Variants in CPVL observed in about 807,000 individuals in gnomAD.
CPVL encodes carboxypeptidase vitellogenic like.
CPVL carries 51 observed loss-of-function variants against 63.7 expected under a neutral mutation model. That is an observed-to-expected ratio of 0.80 (90% CI 0.64 to 1.01). The LOEUF is 1.01. CPVL is among the 50% of genes least tolerant of loss of function. The probability of loss-of-function intolerance (pLI) is 0.00; values close to 1 mark genes in which losing one functional copy is unlikely to be tolerated. For synonymous variants in CPVL, 195 were observed against 206.0 expected, an observed-to-expected ratio of 0.95 and a Z score of 0.46; for missense variants, 530 against 573.1, an observed-to-expected ratio of 0.92 and a Z score of 0.77.
Position 29,004,415 on chromosome 7 carries a change from A to G in CPVL, c.1321-8533T>C, listed in dbSNP as rs544448457. Among the ~76,000 whole-genome samples the G allele has an allele frequency of 2.0e-5, 3 of 152,360 alleles. No homozygotes were observed. The South Asian group carries it at 6.2e-4, about 32-fold the overall frequency. ...ACGTGCTTTGAACGTGTCTATTAAA[A>G]AAAAAGTCATGGAAAATTTTCTCTG... On this transcript the variant is annotated intron_variant, in intron 12 of 12. Coordinates refer to ENST00000265394, the MANE Select transcript of CPVL (RefSeq NM_031311.5).
chr7:29,110,700 AAT>A (rs1788148674), intron 3 of CPVL, among the ~76,000 whole-genome samples: 1 of 152,224 alleles, frequency 6.6e-6, no homozygotes, highest in Non-Finnish European at 1.5e-5. Flanking sequence ...TAATTCCTAG[AAT>A]ATGTTAGGTT....
At chr7:28,999,049 T>TA (rs1034072095) in intron 12 of CPVL, among the ~76,000 whole-genome samples, 70 of 143,470 alleles carry the variant, frequency 4.9e-4, no homozygotes, top group Middle Eastern at 7.2e-3. Context: ...TACTAAAAAT[T>TA]AAAAAAAAAA....
chr7:29,143,791 GAC>G (rs1792154395), intron 1 of CPVL, among the ~76,000 whole-genome samples: 1 of 152,158 alleles, frequency 6.6e-6, no homozygotes, highest in South Asian at 2.1e-4. Flanking sequence ...AAGATCTAAG[GAC>G]ACAGTCCTTC....
At chr7:29,155,265 A>G (rs1421134609) in intron 5 of CPVL, among the ~76,000 whole-genome samples, 1 of 152,236 alleles carries the variant, frequency 6.6e-6, no homozygotes. Flanking sequence ...TTCAGGGAAA[A>G]CAACTACATT....
At chr7:29,190,340 A>T (rs1210209338) in intron 1 of CPVL, among the ~76,000 whole-genome samples, 1 of 152,162 alleles carries the variant, frequency 6.6e-6, no homozygotes, top group Non-Finnish European at 1.5e-5. Flanking sequence ...CACTGGATTA[A>T]TCTTGAAAGT....
chr7:29,012,200 T>A (rs908423788), intron 12 of CPVL: 1 of 152,120 alleles, frequency 6.6e-6, no homozygotes, highest in Non-Finnish European at 1.5e-5. Flanking sequence ...TGCTTTGACA[T>A]GGAATTGTAT....
intron 1 of CPVL, among the ~76,000 whole-genome samples, chr7:29,189,163 C>T (rs954043434): frequency 5.3e-5 from 8 of 151,958 alleles, no homozygotes; most frequent in Non-Finnish European, 1.0e-4. Context: ...GTTGGCCAGG[C>T]TGGTCTCGAA....
intron 5 of CPVL, among the ~76,000 whole-genome samples, chr7:29,163,764 A>T (rs1383901818): frequency 2.0e-5 from 3 of 152,210 alleles, no homozygotes; most frequent in African/African-American, 7.2e-5. Flanking sequence ...TTGCATTTTT[A>T]AAATTTTTAA....
chr7:28,999,111 C>T (rs576514355), intron 12 of CPVL, among the ~76,000 whole-genome samples: 8 of 152,056 alleles, frequency 5.3e-5, no homozygotes, highest in Admixed American at 5.2e-4. Flanking sequence ...ACTGGGGAGG[C>T]TGAAGCAGGA....
chr7:29,005,021 C>T (rs758090492), intron 12 of CPVL, among the ~76,000 whole-genome samples: 2 of 151,658 alleles, frequency 1.3e-5, no homozygotes, highest in East Asian at 3.9e-4. Context: ...CTCAGCCTCC[C>T]GAGTAGCTGG....
intron 11 of CPVL, among the ~76,000 whole-genome samples, chr7:29,052,558 A>G (rs1790293006): frequency 6.6e-6 from 1 of 152,138 alleles, no homozygotes; most frequent in Non-Finnish European, 1.5e-5. Flanking sequence ...ATAAAAAGAC[A>G]ACCCAGAGAA....
intron 1 of CPVL, among the ~76,000 whole-genome samples, chr7:29,139,866 G>A (rs1189739577): frequency 6.6e-6 from 1 of 152,182 alleles, no homozygotes; most frequent in Non-Finnish European, 1.5e-5. Flanking sequence ...ATTTCCACTT[G>A]ACTTGCTGAT....
chr7:29,066,070 G>A lies in CPVL; in HGVS notation c.916C>T (p.Gln306Ter), dbSNP rs1783108070. Residue 306 changes from glutamine to a stop codon, truncating the protein, a stop_gained, in exon 10 of 13, where the codon CAG becomes TAG. Transcript: ENST00000265394. LOFTEE classifies it high-confidence loss of function. ...TAATTACTACATCCTGTAACATTCTGGAAGTAAGAAGGATCACTTGTTAAG... is the reference window on the plus strand; with the variant it reads ...TAATTACTACATCCTGTAACATTCTAGAAGTAAGAAGGATCACTTGTTAAG... ...GDLTSDPSYF[Q>*]NVTGCSNYYN... is the part of the protein sequence containing the mutation. The A allele has an allele frequency of 4.4e-6, 7 of 1,608,290 alleles. No homozygotes were observed. The highest frequency in any genetic ancestry group is 1.1e-5 in the South Asian group (1 of 90,284).
At chr7:29,074,100 G>A (rs1055116587) in intron 7 of CPVL, among the ~76,000 whole-genome samples, 1 of 152,152 alleles carries the variant, frequency 6.6e-6, no homozygotes, top group African/African-American at 2.4e-5. Context: ...GGACACTGAG[G>A]CTCAGAGAGG....
intron 11 of CPVL, among the ~76,000 whole-genome samples, chr7:29,035,480 GCT>G (rs748779504): frequency 6.6e-6 from 1 of 152,156 alleles, no homozygotes; most frequent in Non-Finnish European, 1.5e-5. Flanking sequence ...AAACAATCTT[GCT>G]CTGTTTGTCT....
At chr7:29,077,010 T>C (rs767262986) in intron 7 of CPVL, among the ~76,000 whole-genome samples, 5 of 152,230 alleles carry the variant, frequency 3.3e-5, no homozygotes, top group African/African-American at 7.2e-5. Flanking sequence ...TGAAATTGGA[T>C]GTAGAGAAAA....
intron 11 of CPVL, among the ~76,000 whole-genome samples, chr7:29,031,390 A>C (rs185839301): frequency 6.6e-6 from 1 of 152,310 alleles, no homozygotes; most frequent in East Asian, 1.9e-4. Flanking sequence ...CCTAGAATAC[A>C]ATTTTTTGTA....
At chr7:29,016,273 C>T (rs1008421950) in intron 12 of CPVL, among the ~76,000 whole-genome samples, 5 of 151,806 alleles carry the variant, frequency 3.3e-5, no homozygotes, top group African/African-American at 1.2e-4. Context: ...ATCGCTTGAA[C>T]CCAGGAGGTG....
chr7:29,193,762 C>G (rs1251999997), intron 1 of CPVL: 1 of 152,186 alleles, frequency 6.6e-6, no homozygotes, highest in African/African-American at 2.4e-5. Context: ...GACCTGCTGC[C>G]AAGTCTTAAG....
Sources: gnomAD v4.1 joint callset for allele counts (sites outside exome capture counted in the v4.1 genomes callset) on GRCh38, gnomAD v4.1.1 for gene constraint, MANE v1.5 for transcripts, NCBI Gene and HGNC (gene_info 2026-07-23, HGNC 2026-07-21) for gene names.